NOSIP: variants seen among roughly 807,000 people sequenced by gnomAD.
NOSIP encodes nitric oxide synthase-interacting protein.
Under a neutral mutation model 36.4 loss-of-function variants are expected in NOSIP, and 25 were observed. That is an observed-to-expected ratio of 0.69 (90% CI 0.50 to 0.96). NOSIP has a LOEUF of 0.96. Ranked by LOEUF, NOSIP falls within the 40% of genes least tolerant of loss-of-function variation. NOSIP has a pLI of 0.00. For missense variants in NOSIP, 370 were observed against 429.0 expected, an observed-to-expected ratio of 0.86 and a Z score of 1.21; for synonymous variants, 187 against 179.2, an observed-to-expected ratio of 1.04 and a Z score of -0.35.
chr19:49,571,587 G>T (rs533114520), intron 1 of NOSIP, among the ~76,000 whole-genome samples: 2 of 152,264 alleles, frequency 1.3e-5, no homozygotes, highest in African/African-American at 4.8e-5. Flanking sequence ...TCCCAGCTGG[G>T]AAATGGCAGA....
At chr19:49,577,988 C>A (rs2080576065) in intron 1 of NOSIP, among the ~76,000 whole-genome samples, 1 of 151,950 alleles carries the variant, frequency 6.6e-6, no homozygotes, top group African/African-American at 2.4e-5. Context: ...TAATGAGTAC[C>A]AGGGTTTCTT....
chr19:49,563,882 A>G (rs765855612), intron 1 of NOSIP, among the ~76,000 whole-genome samples: 87 of 152,154 alleles, frequency 5.7e-4, no homozygotes, highest in Admixed American at 2.8e-3. Flanking sequence ...AACATTTCCC[A>G]TTGTTCCTAG....
Position 49,557,187 on chromosome 19 carries a change from C to A in NOSIP, c.321G>T (p.Ser107=). 6.2e-7 allele frequency: 1 copy of A among 1,606,980 alleles called. No homozygotes were observed. Among genetic ancestry groups the A allele is most frequent in the Admixed American group, 1.7e-5 (1 of 58,940 alleles). Residue 107 remains serine (S), a synonymous_variant, in exon 5 of 9, where the codon TCG becomes TCT. Coordinates refer to ENST00000596358, the MANE Select transcript of NOSIP (RefSeq NM_001270960.2). The part of the protein sequence containing the change: ...EEQKELQRAA[S]QDHVRGFLEK... ...CCAGGAAGCCCCGCACATGGTCCTG[C>A]GAGGCCGCCCGCTGAAGCTCCTTCT... is the stretch of plus-strand genomic sequence containing the variant.
intron 8 of NOSIP, 53 bp from the exon 9 acceptor site, chr19:49,555,875 T>G (rs1206408419): frequency 7.4e-7 from 1 of 1,360,104 alleles, no homozygotes; most frequent in African/African-American, 1.4e-5. Context: ...GGGTGACCAG[T>G]GGGGCTCCAG....
Position 49,555,710 on chromosome 19 carries a change from G to T in NOSIP, c.*41C>A. On this transcript the variant is annotated 3_prime_UTR_variant, in exon 9 of 9. Transcript: ENST00000596358. ...ACGCCGCGAATGAAGGCGCCACGTC[G>T]TTGCGCACCCAAGCCGGTTTATTTG... The T allele has an allele frequency of 1.9e-6, 3 of 1,576,030 alleles. No individual in the cohort carries two copies. The highest frequency in any genetic ancestry group is 2.6e-6 in the Non-Finnish European group (3 of 1,147,014).
Position 49,560,565 on chromosome 19 carries a change from G to C in NOSIP, c.70+57C>G. 7.3e-7 allele frequency: 1 copy of C among 1,376,466 alleles called. No individual in the cohort carries two copies. The highest frequency in any genetic ancestry group is 1.0e-6 in the Non-Finnish European group (1 of 986,580). 85.3% of individuals were successfully genotyped at this position (1,376,466 alleles called of 1,614,324 possible). A position where few individuals can be genotyped will look rare whatever the true frequency, so the allele number is the denominator to read the frequency against. ...GGAAGCAAAACCTGGGGCACGAGGG[G>C]AGAGGGTGACTCCAAGACACAGCCA... On this transcript the variant is annotated intron_variant, in intron 2 of 8. Transcript: ENST00000596358. The surrounding 1 kb of genome is among the most constrained non-coding windows in gnomAD (Gnocchi z 4.6).
intron 1 of NOSIP, among the ~76,000 whole-genome samples, chr19:49,561,493 A>G (rs903587135): frequency 1.3e-5 from 2 of 152,170 alleles, no homozygotes; most frequent in Middle Eastern, 3.2e-3. Context: ...CCTTACTTTG[A>G]TACCTTTGAT....
chr19:49,556,176 G>GGT (rs1555813421), intron 8 of NOSIP, 141 bp downstream of exon 8: 1 of 417,430 alleles, frequency 2.4e-6, no homozygotes, highest in Non-Finnish European at 4.2e-6. Context: ...AAAGCGGGGG[G>GGT]GGGGGGCGGC....
At chr19:49,567,357 G>A (rs1415059817) in intron 1 of NOSIP, among the ~76,000 whole-genome samples, 9 of 149,408 alleles carry the variant, frequency 6.0e-5, no homozygotes, top group Admixed American at 1.3e-4. Flanking sequence ...TCCTGACCTC[G>A]TGATCCGCCC....
intron 1 of NOSIP, among the ~76,000 whole-genome samples, chr19:49,575,497 G>A (rs925145557): frequency 9.8e-5 from 15 of 152,298 alleles, no homozygotes; most frequent in African/African-American, 2.6e-4. Context: ...GGGGCACCCA[G>A]GCAGTATGCA....
At chr19:49,559,081 G>C (rs1198632304) in intron 3 of NOSIP, 103 bp from the exon 4 acceptor site, 2 of 886,688 alleles carry the variant, frequency 2.3e-6, no homozygotes, top group Admixed American at 3.6e-5. Flanking sequence ...TCAGTCCCAA[G>C]TTCAATTATT....
At chr19:49,570,073 C>T (rs2080465205) in intron 1 of NOSIP, among the ~76,000 whole-genome samples, 1 of 152,008 alleles carries the variant, frequency 6.6e-6, no homozygotes, top group Admixed American at 6.6e-5. Context: ...TGTGCCAATG[C>T]ACTCCAGCCT....
At position 49,560,526 on chromosome 19, in the gene NOSIP, GAGAC is replaced by G; in HGVS notation, c.70+92_70+95del. The G allele has an allele frequency of 8.8e-6, 8 of 905,516 alleles. No individual in the cohort carries two copies. The highest frequency in any genetic ancestry group is 2.0e-5 in the Admixed American group (1 of 49,280). 56.1% of individuals were successfully genotyped at this position (905,516 alleles called of 1,614,324 possible). ...ATCAGTGTATATCGGGGGCGGGAGAGAGACAGGGACAGAGGAAGCAAAACCTGGG... is the reference window on the plus strand; with the variant it reads ...ATCAGTGTATATCGGGGGCGGGAGAGAGGGACAGAGGAAGCAAAACCTGGG... On this transcript the variant is annotated intron_variant, in intron 2 of 8. Coordinates refer to ENST00000596358, the MANE Select transcript of NOSIP (RefSeq NM_001270960.2). This position sits in a 1 kb window ranked among gnomAD's most constrained non-coding sequence, Gnocchi z 4.6.
chr19:49,564,437 G>C (rs928397585), intron 1 of NOSIP, among the ~76,000 whole-genome samples: 1 of 127,056 alleles, frequency 7.9e-6, no homozygotes, highest in South Asian at 2.6e-4. Flanking sequence ...CTAGGGGACA[G>C]AGCGAGACTC....
chr19:49,577,426 G>C (rs547671187), intron 1 of NOSIP, among the ~76,000 whole-genome samples: 9 of 152,016 alleles, frequency 5.9e-5, no homozygotes, highest in Admixed American at 1.3e-4. Context: ...GCGTGGTAGC[G>C]CATGCCTGTA....
rs371941851 is a variant in NOSIP, at chr19:49,557,145, G to A, written c.363C>T (p.Ile121=). 23 of 1,612,252 alleles carry A rather than the reference G, an allele frequency of 1.4e-5. No homozygotes were observed. The highest frequency in any genetic ancestry group is 2.0e-5 in the Non-Finnish European group (23 of 1,179,458). The change falls in exon 5 of 9, where the codon ATC becomes ATT. Residue 121 remains isoleucine (I), a synonymous_variant. Coordinates refer to ENST00000596358, the MANE Select transcript of NOSIP (RefSeq NM_001270960.2). ...TGAAAGGGTTGAGGGGCCGGCTCAC[G>A]ATAGCCGACTCCTTCTCCAGGAAGC... ...VRGFLEKESA[I]VSRPLNPFTA... is the part of the protein sequence containing the mutation.
At chr19:49,564,512 C>T (rs905774480) in intron 1 of NOSIP, among the ~76,000 whole-genome samples, 1 of 151,050 alleles carries the variant, frequency 6.6e-6, no homozygotes, top group Non-Finnish European at 1.5e-5. Context: ...TCCCCACACG[C>T]ACCACAAGGG....
chr19:49,556,647 C>T lies in NOSIP; in HGVS notation c.627G>A (p.Val209=), dbSNP rs779040890. The part of the protein sequence containing the change: ...PVHFTPLDSS[V]DRVGLITRSE... ...TGCGGGTGATGAGCCCCACGCGGTC[C>T]ACGGAGCTGTCTAGCGGTGTGAAGT... The change falls in exon 7 of 9, where the codon GTG becomes GTA. Residue 209 remains valine (V), a synonymous_variant. Coordinates refer to ENST00000596358, the MANE Select transcript of NOSIP (RefSeq NM_001270960.2). 5 of 1,611,072 alleles carry T rather than the reference C, an allele frequency of 3.1e-6. No individual in the cohort carries two copies. Among genetic ancestry groups the T allele is most frequent in the South Asian group, 1.1e-5 (1 of 91,062 alleles).
At position 49,557,134 on chromosome 19, in the gene NOSIP, G is replaced by A. The variant is rs2122777678; in HGVS notation, c.374C>T (p.Pro125Leu). ...LEKESAIVSR[P>L]LNPFTAKALS... ...GGCCTTGGCTGTGAAAGGGTTGAGG[G>A]GCCGGCTCACGATAGCCGACTCCTT... Residue 125 changes from proline to leucine, a missense_variant, in exon 5 of 9, where the codon CCC becomes CTC. By Grantham distance (98) the Pro-to-Leu change is moderately conservative. This residue lies in a region of NOSIP where 315 missense variants were observed against 331.9 expected (regional missense o/e 0.95). Transcript: ENST00000596358. 18 of 1,612,802 alleles carry A rather than the reference G, an allele frequency of 1.1e-5. No homozygotes were observed. The highest frequency in any genetic ancestry group is 1.4e-5 in the Non-Finnish European group (17 of 1,179,590).
Sources: gnomAD v4.1 joint callset for allele counts (sites outside exome capture counted in the v4.1 genomes callset) on GRCh38, gnomAD v4.1.1 for gene constraint, gnomAD v4.1.1 regional missense constraint, Gnocchi (gnomAD v3.1) non-coding constraint, MANE v1.5 for transcripts, NCBI Gene and HGNC (gene_info 2026-07-23, HGNC 2026-07-21) for gene names.